Variants in ORC4 observed in about 807,000 individuals in gnomAD.
The protein encoded by ORC4 is origin recognition complex, subunit 4 homolog.
A neutral mutation model predicts 63.9 loss-of-function variants in ORC4; 55 were observed. The ratio of observed to expected loss-of-function variants is 0.86; its 90% confidence interval spans 0.69 to 1.08. The LOEUF is 1.08. ORC4 is among the 50% of genes least tolerant of loss of function. ORC4 has a pLI of 0.00. For missense variants in ORC4, 511 were observed against 504.4 expected, an observed-to-expected ratio of 1.01 and a Z score of -0.13; for synonymous variants, 150 against 168.5, an observed-to-expected ratio of 0.89 and a Z score of 0.85.
chr2:148,018,211 A>G (rs1400382480), intron 1 of ORC4, among the ~76,000 whole-genome samples: 1 of 152,246 alleles, frequency 6.6e-6, no homozygotes, highest in African/African-American at 2.4e-5. Context: ...TAAGTTTTTG[A>G]AAAAGTGCTC....
intron 8 of ORC4, among the ~76,000 whole-genome samples, chr2:147,950,865 C>T (rs1688921082): frequency 6.6e-6 from 1 of 151,734 alleles, no homozygotes; most frequent in Non-Finnish European, 1.5e-5. Context: ...GATAACACTG[C>T]TAAGAAGTTA....
intron 1 of ORC4, among the ~76,000 whole-genome samples, chr2:147,988,720 T>C (rs1691380281): frequency 6.6e-6 from 1 of 151,694 alleles, no homozygotes; most frequent in Admixed American, 6.6e-5. Flanking sequence ...CTGTTCCAAC[T>C]GCAGCTTTTT....
At chr2:147,962,071 T>C (rs2105324083) in intron 4 of ORC4, among the ~76,000 whole-genome samples, 1 of 152,176 alleles carries the variant, frequency 6.6e-6, no homozygotes, top group South Asian at 2.1e-4. Flanking sequence ...AGGGGAAATG[T>C]GTAGTGACTG....
At chr2:148,010,716 G>A (rs924941715) in intron 1 of ORC4, among the ~76,000 whole-genome samples, 1 of 152,016 alleles carries the variant, frequency 6.6e-6, no homozygotes, top group East Asian at 1.9e-4. Context: ...CCCCATCACA[G>A]AAAAGGCCAG....
At chr2:147,961,816 A>T (rs1364293378) in intron 4 of ORC4, among the ~76,000 whole-genome samples, 1 of 152,370 alleles carries the variant, frequency 6.6e-6, no homozygotes, top group East Asian at 1.9e-4. Flanking sequence ...ACTATGATTT[A>T]ATGCTTTTGC....
intron 1 of ORC4, among the ~76,000 whole-genome samples, chr2:148,017,916 T>C (rs1456664252): frequency 1.3e-5 from 2 of 152,148 alleles, no homozygotes; most frequent in Admixed American, 1.3e-4. Context: ...AGCACAAGCA[T>C]AGAACTTGTT....
intron 2 of ORC4, among the ~76,000 whole-genome samples, chr2:147,974,487 T>A (rs1262977844): frequency 6.6e-6 from 1 of 151,816 alleles, no homozygotes; most frequent in African/African-American, 2.4e-5. Flanking sequence ...ATTCAAAAAT[T>A]AGCCAGACGT....
Position 147,958,303 on chromosome 2 carries a change from C to CT in ORC4, c.381dup (p.Val128SerfsTer7). On this transcript the variant is annotated frameshift_variant, in exon 6 of 14. Coordinates refer to ENST00000392857, the MANE Select transcript of ORC4 (RefSeq NM_181741.4). LOFTEE classifies it high-confidence loss of function. ...ATAACTGAAATGATACTTACAAAAA[C>CT]TTTATCTCCAACTACATTTTCCAGA... 1 of 1,600,992 alleles carries CT rather than the reference C, an allele frequency of 6.2e-7. No homozygotes were observed. The highest frequency in any genetic ancestry group is 8.6e-7 in the Non-Finnish European group (1 of 1,168,790).
chr2:147,983,378 A>C (rs2105374887), intron 1 of ORC4, among the ~76,000 whole-genome samples: 1 of 152,356 alleles, frequency 6.6e-6, no homozygotes, highest in East Asian at 1.9e-4. Flanking sequence ...GAAGTCAGGA[A>C]GTACCCAGAC....
intron 1 of ORC4, among the ~76,000 whole-genome samples, chr2:147,999,575 A>G (rs13028348): frequency 0.33 from 50,152 of 151,958 alleles, 8,542 homozygotes; most frequent in East Asian, 0.52. Flanking sequence ...AGACACTGCT[A>G]AATTTCTCTT....
At chr2:147,991,080 A>C in intron 1 of ORC4, among the ~76,000 whole-genome samples, 2 of 139,890 alleles carry the variant, frequency 1.4e-5, no homozygotes, top group South Asian at 2.2e-4. Context: ...CTGGACTTTC[A>C]CTCTGTCGCC....
At chr2:148,003,103 A>G (rs1256877208) in intron 1 of ORC4, among the ~76,000 whole-genome samples, 3 of 152,242 alleles carry the variant, frequency 2.0e-5, no homozygotes, top group Non-Finnish European at 4.4e-5. Context: ...AAGTTCTGAA[A>G]TTGAGGCAGT....
chr2:147,990,473 G>A (rs1423535114), intron 1 of ORC4, among the ~76,000 whole-genome samples: 1 of 152,182 alleles, frequency 6.6e-6, no homozygotes, highest in Admixed American at 6.5e-5. Context: ...AGAAATAAGG[G>A]CCAATACTGA....
At chr2:147,937,948 A>G in intron 13 of ORC4, 198 bp downstream of exon 13, 1 of 616,250 alleles carries the variant, frequency 1.6e-6, no homozygotes, top group African/African-American at 1.9e-5. Flanking sequence ...AGAGGGCAGT[A>G]TACCTCCACA....
intron 6 of ORC4, 33 bp from the exon 7 acceptor site, chr2:147,955,428 G>C (rs1164072699): frequency 6.6e-7 from 1 of 1,507,332 alleles, no homozygotes; most frequent in Non-Finnish European, 9.2e-7. Context: ...ATGATTAAAA[G>C]TTTAGTGAAA....
intron 4 of ORC4, among the ~76,000 whole-genome samples, chr2:147,967,376 T>C (rs1264712221): frequency 6.6e-6 from 1 of 151,970 alleles, no homozygotes; most frequent in Admixed American, 6.6e-5. Context: ...TTTTTGCAGA[T>C]GACATAATCT....
At chr2:147,957,377 A>T (rs1184548516) in intron 6 of ORC4, among the ~76,000 whole-genome samples, 1 of 151,798 alleles carries the variant, frequency 6.6e-6, no homozygotes, top group East Asian at 1.9e-4. Flanking sequence ...ACAGTTCAGA[A>T]ATTAGAGCGA....
At chr2:147,957,938 CA>C (rs1304890484) in intron 6 of ORC4, among the ~76,000 whole-genome samples, 1 of 152,058 alleles carries the variant, frequency 6.6e-6, no homozygotes, top group Non-Finnish European at 1.5e-5. Context: ...ACTCAAGTCT[CA>C]AAAAAGTAGA....
At chr2:147,974,161 T>C (rs1428836962) in intron 2 of ORC4, among the ~76,000 whole-genome samples, 1 of 151,956 alleles carries the variant, frequency 6.6e-6, no homozygotes, top group Non-Finnish European at 1.5e-5. Flanking sequence ...GCAAAGAAAA[T>C]GATTCATTAG....
Sources: gnomAD v4.1 joint callset for allele counts (sites outside exome capture counted in the v4.1 genomes callset) on GRCh38, gnomAD v4.1.1 for gene constraint, MANE v1.5 for transcripts, NCBI Gene and HGNC (gene_info 2026-07-23, HGNC 2026-07-21) for gene names.